The following TTC28 variants were observed in gnomAD, a reference collection of about 807,000 sequenced individuals.
TTC28 encodes the protein tetratricopeptide repeat domain 28.
A neutral mutation model predicts 198.0 loss-of-function variants in TTC28; 61 were observed. The ratio of observed to expected loss-of-function variants is 0.31; its 90% CI spans 0.25 to 0.38. The LOEUF (loss-of-function observed/expected upper bound fraction) is 0.38. TTC28 is among the 10% of genes least tolerant of loss of function. TTC28 has a pLI of 1.00. For missense variants in TTC28, 2,678 were observed against 3,164.0 expected (o/e 0.85, Z 3.69); for synonymous variants, 1,171 against 1,297.8 (o/e 0.90, Z 2.10).
intron 5 of TTC28, among the ~76,000 whole-genome samples, chr22:28,246,969 A>G (rs1164503164): frequency 6.6e-6 from 1 of 152,230 alleles, no homozygotes; most frequent in Admixed American, 6.5e-5. Context: ...AGTAAACAGC[A>G]TGCAAGCACA....
intron 5 of TTC28, among the ~76,000 whole-genome samples, chr22:28,266,179 C>CA (rs3885490): frequency 0.23 from 26,448 of 114,974 alleles, 2,572 homozygotes; most frequent in Admixed American, 0.38. Context: ...GACTCTGTCT[C>CA]AAAAAAAAAA....
At chr22:28,672,313 G>A (rs373159188) in intron 1 of TTC28, among the ~76,000 whole-genome samples, 186 of 152,082 alleles carry the variant, frequency 1.2e-3, no homozygotes, top group Middle Eastern at 3.4e-3. Context: ...GATTACAGGC[G>A]CCTGCCACCA....
intron 2 of TTC28, among the ~76,000 whole-genome samples, chr22:28,497,084 C>T (rs1443995196): frequency 1.3e-5 from 2 of 152,206 alleles, no homozygotes; most frequent in Non-Finnish European, 2.9e-5. Flanking sequence ...TCCCTCCCCA[C>T]TTCCAATATT....
At chr22:28,451,655 A>G (rs2047779493) in intron 2 of TTC28, among the ~76,000 whole-genome samples, 1 of 152,242 alleles carries the variant, frequency 6.6e-6, no homozygotes, top group African/African-American at 2.4e-5. Context: ...CCATGAACCT[A>G]TCAACAATGT....
intron 5 of TTC28, among the ~76,000 whole-genome samples, chr22:28,207,367 C>T (rs1926514200): frequency 6.6e-6 from 1 of 152,012 alleles, no homozygotes; most frequent in African/African-American, 2.4e-5. Flanking sequence ...AAACACTGAC[C>T]CAAAAACACT....
At chr22:28,559,352 A>C (rs2049834704) in intron 2 of TTC28, among the ~76,000 whole-genome samples, 1 of 152,216 alleles carries the variant, frequency 6.6e-6, no homozygotes, top group Non-Finnish European at 1.5e-5. Flanking sequence ...AAAGTACTCC[A>C]GCCACAGTAA....
At chr22:28,641,452 A>T (rs1433349821) in intron 1 of TTC28, among the ~76,000 whole-genome samples, 1 of 152,234 alleles carries the variant, frequency 6.6e-6, no homozygotes, top group African/African-American at 2.4e-5. Context: ...TTAAATCTCC[A>T]TAGTAGACAA....
chr22:28,235,328 G>A (rs1204613731), intron 5 of TTC28, among the ~76,000 whole-genome samples: 1 of 152,172 alleles, frequency 6.6e-6, no homozygotes, highest in African/African-American at 2.4e-5. Flanking sequence ...TCTAGGAAAG[G>A]ATAATTAACT....
At chr22:28,037,133 T>C (rs1187043410) in intron 12 of TTC28, among the ~76,000 whole-genome samples, 3 of 152,040 alleles carry the variant, frequency 2.0e-5, no homozygotes, top group Non-Finnish European at 4.4e-5. Flanking sequence ...TTCCAATCAA[T>C]AGAAAAAGAG....
intron 2 of TTC28, among the ~76,000 whole-genome samples, chr22:28,429,187 G>T (rs1258103092): frequency 6.6e-6 from 1 of 152,002 alleles, no homozygotes; most frequent in Non-Finnish European, 1.5e-5. Context: ...AGTAGAACAG[G>T]GCTACACACT....
chr22:27,993,230 A>G (rs1937478984), intron 18 of TTC28, 57 bp downstream of exon 18: 1 of 1,420,676 alleles, frequency 7.0e-7, no homozygotes, highest in Non-Finnish European at 9.3e-7. Flanking sequence ...AAGGCCACCA[A>G]CTGTTCCACC....
At chr22:28,454,959 T>C (rs995855178) in intron 2 of TTC28, among the ~76,000 whole-genome samples, 7 of 152,222 alleles carry the variant, frequency 4.6e-5, no homozygotes, top group African/African-American at 1.7e-4. Context: ...AGAAAGCTTT[T>C]TCTTCGTATT....
chr22:28,428,799 C>T (rs907447227), intron 2 of TTC28, among the ~76,000 whole-genome samples: 8 of 151,882 alleles, frequency 5.3e-5, no homozygotes, highest in South Asian at 2.1e-4. Flanking sequence ...CCACCACGCC[C>T]GGCTAATTTT....
chr22:28,036,145 T>C (rs950404415), intron 12 of TTC28, among the ~76,000 whole-genome samples: 3 of 152,184 alleles, frequency 2.0e-5, no homozygotes, highest in African/African-American at 4.8e-5. Flanking sequence ...GTGGACCTAA[T>C]AGACATCTAC....
intron 2 of TTC28, among the ~76,000 whole-genome samples, chr22:28,557,437 C>G (rs1373236873): frequency 6.6e-6 from 1 of 152,204 alleles, no homozygotes; most frequent in South Asian, 2.1e-4. Context: ...TAGGTTTAAG[C>G]TGCTATTTAA....
chr22:28,635,833 ACT>A (rs2051261057), intron 1 of TTC28, among the ~76,000 whole-genome samples: 1 of 152,022 alleles, frequency 6.6e-6, no homozygotes, highest in Admixed American at 6.6e-5. Context: ...CTTAAGATCT[ACT>A]CTCTTAGCAA....
At chr22:27,999,442 C>T (rs1937615379) in intron 15 of TTC28, 182 bp from the exon 16 acceptor site, 2 of 904,704 alleles carry the variant, frequency 2.2e-6, no homozygotes, top group African/African-American at 1.7e-5. Context: ...GCCTAACTTA[C>T]TGAGAATCAT....
rs758461350 is a variant in TTC28 at position 28,595,839 on chromosome 22, G to A, written c.381+33713C>T. On this transcript the variant is annotated intron_variant, in intron 2 of 22. Transcript: ENST00000397906. ...CTCGGGAGGCTGAGGCAGGAGAATC[G>A]CTTGAACCCGGGAGGCGGAGCTTGC... Among the ~76,000 whole-genome samples the A allele has an allele frequency of 4.5e-4, 68 of 152,264 alleles. 1 individual carries two copies. The highest frequency in any genetic ancestry group is 8.1e-4 in the Non-Finnish European group (55 of 68,012).
At chr22:28,020,286 C>T (rs1171918352) in intron 13 of TTC28, among the ~76,000 whole-genome samples, 1 of 152,254 alleles carries the variant, frequency 6.6e-6, no homozygotes, top group Non-Finnish European at 1.5e-5. Context: ...TAGCTCTCAG[C>T]AGAGGATCTT....
Sources: gnomAD v4.1 joint callset for allele counts (sites outside exome capture counted in the v4.1 genomes callset) on GRCh38, gnomAD v4.1.1 for gene constraint, MANE v1.5 for transcripts, NCBI Gene and HGNC (gene_info 2026-07-23, HGNC 2026-07-21) for gene names.